Variants in PDK1 observed in about 807,000 individuals in gnomAD.
PDK1 encodes [Pyruvate dehydrogenase (acetyl-transferring)] kinase isozyme 1, mitochondrial.
Under a neutral mutation model 54.2 loss-of-function variants are expected in PDK1, and 39 were observed. The observed-to-expected ratio is 0.72, with a 90% CI of 0.56 to 0.94. The LOEUF (loss-of-function observed/expected upper bound fraction) is 0.94, where lower values mean the gene tolerates loss of function less well. PDK1 is among the 40% of genes least tolerant of loss of function. The pLI is 0.00. For synonymous variants in PDK1, 221 were observed against 207.1 expected (o/e 1.07, Z -0.58); for missense variants, 552 against 566.0 (o/e 0.98, Z 0.25).
the PDK1 span, among the ~76,000 whole-genome samples, chr2:172,621,690 CATAT>C: frequency 6.9e-6 from 1 of 144,956 alleles, no homozygotes; most frequent in Non-Finnish European, 1.5e-5. Context: ...GTTTATATAT[CATAT>C]ATATGTTTAT....
chr2:172,586,430 C>T (rs753830252), intron 9 of PDK1, 42 bp downstream of exon 9: 1 of 1,215,100 alleles, frequency 8.2e-7, no homozygotes, highest in South Asian at 1.2e-5. Flanking sequence ...CTGTGAATTG[C>T]CTTCCACATG....
rs1053387883 is a variant in PDK1 at position 172,568,359 on chromosome 2, A to G, written c.770-382A>G. 6.6e-5 allele frequency among the ~76,000 whole-genome samples: 10 copies of G among 151,774 alleles called. No individual in the cohort carries two copies. In the East Asian group the frequency reaches 1.9e-3, roughly 29 times the overall value. ...AAAAAAAAAAAAAAAAAGAAGAAGAAGAATGTATGCATGCATGTGAATTGG... is the reference window on the plus strand; with the variant it reads ...AAAAAAAAAAAAAAAAAGAAGAAGAGGAATGTATGCATGCATGTGAATTGG... On this transcript the variant is annotated intron_variant, in intron 6 of 10. Transcript: ENST00000282077.
At chr2:172,646,735 C>CTCTTTTTTTTTTTTTTTTTTT in the PDK1 span, among the ~76,000 whole-genome samples, 1 of 72,060 alleles carries the variant, frequency 1.4e-5, no homozygotes, top group Non-Finnish European at 2.7e-5. Context: ...CTTGCATTTC[C>CTCTTTTTTTTTTTTTTTTTTT]TTTTTTTTTT....
chr2:172,720,626 C>G, the PDK1 span, among the ~76,000 whole-genome samples: 1 of 152,170 alleles, frequency 6.6e-6, no homozygotes, highest in Non-Finnish European at 1.5e-5. Flanking sequence ...TATGGGACTT[C>G]CCTGTACCTG....
chr2:172,713,061 C>T, the PDK1 span, among the ~76,000 whole-genome samples: 2 of 152,094 alleles, frequency 1.3e-5, no homozygotes, highest in Non-Finnish European at 2.9e-5. Flanking sequence ...TTTCTGATGT[C>T]TCTGCAGTCC....
rs773476702 is a variant in PDK1 at position 172,564,688 on chromosome 2, G to GT, written c.595+2dup. 6.2e-7 allele frequency: 1 copy of GT among 1,610,038 alleles called. No homozygotes were observed. The highest frequency in any genetic ancestry group is 1.1e-5 in the South Asian group (1 of 90,932). ...ATTAGAATGTTACTCAATCAGCACTGTAAGTGTCCCTCATGAGTCAAGAGA... is the reference window on the plus strand; with the variant it reads ...ATTAGAATGTTACTCAATCAGCACTGTTAAGTGTCCCTCATGAGTCAAGAGA... On this transcript the variant is annotated splice_donor_variant, in intron 4 of 10. Coordinates refer to ENST00000282077, the MANE Select transcript of PDK1 (RefSeq NM_002610.5). LOFTEE classifies it high-confidence loss of function.
chr2:172,710,899 C>T, the PDK1 span, among the ~76,000 whole-genome samples: 1 of 152,224 alleles, frequency 6.6e-6, no homozygotes, highest in Admixed American at 6.5e-5. Context: ...TGCCACTAAA[C>T]AATTACATCA....
At chr2:172,668,910 G>C in the PDK1 span, among the ~76,000 whole-genome samples, 46 of 20,536 alleles carry the variant, frequency 2.2e-3, no homozygotes, top group East Asian at 0.012. Flanking sequence ...TATATATAGA[G>C]AGAGAGAGAG....
chr2:172,635,296 C>G, the PDK1 span, among the ~76,000 whole-genome samples: 1 of 152,106 alleles, frequency 6.6e-6, no homozygotes, highest in African/African-American at 2.4e-5. Context: ...ATTTATCACA[C>G]GGCCAATTGT....
intron 10 of PDK1, among the ~76,000 whole-genome samples, chr2:172,593,498 G>C (rs558936258): frequency 7.1e-4 from 108 of 152,132 alleles, no homozygotes; most frequent in African/African-American, 2.5e-3. Flanking sequence ...ACTCTTTTTG[G>C]ACTTTTATGC....
intron 9 of PDK1, among the ~76,000 whole-genome samples, chr2:172,591,570 T>A (rs890655270): frequency 3.3e-5 from 5 of 152,182 alleles, no homozygotes; most frequent in Non-Finnish European, 7.3e-5. Context: ...ATGAAGTAGA[T>A]AAACTGGCTG....
chr2:172,713,213 A>C, the PDK1 span, among the ~76,000 whole-genome samples: 2 of 152,142 alleles, frequency 1.3e-5, no homozygotes, highest in African/African-American at 4.8e-5. Context: ...CCATCTGTCC[A>C]AGTCCGGGAT....
the PDK1 span, among the ~76,000 whole-genome samples, chr2:172,639,156 G>A: frequency 1.2e-4 from 18 of 152,176 alleles, no homozygotes; most frequent in Non-Finnish European, 1.5e-5. Flanking sequence ...CCAAAAGCCG[G>A]ATTACAGGCA....
At chr2:172,694,975 G>A in the PDK1 span, among the ~76,000 whole-genome samples, 93 of 152,106 alleles carry the variant, frequency 6.1e-4, no homozygotes, top group Non-Finnish European at 8.5e-4. Flanking sequence ...AAAATTAGCC[G>A]GGCATTGTGG....
the PDK1 span, among the ~76,000 whole-genome samples, chr2:172,662,439 C>G: frequency 6.7e-6 from 1 of 148,868 alleles, no homozygotes; most frequent in Non-Finnish European, 1.5e-5. Flanking sequence ...TATGCATATA[C>G]GTATTTTTAA....
intron 9 of PDK1, among the ~76,000 whole-genome samples, chr2:172,590,257 T>C (rs1039019427): frequency 6.6e-6 from 1 of 152,234 alleles, no homozygotes; most frequent in East Asian, 1.9e-4. Flanking sequence ...TTATATGATA[T>C]TGCCAAGAGC....
the PDK1 span, among the ~76,000 whole-genome samples, chr2:172,683,118 G>A: frequency 3.9e-5 from 6 of 151,922 alleles, no homozygotes; most frequent in African/African-American, 1.2e-4. Flanking sequence ...AGGCCGAGGC[G>A]GGCGGATCAC....
At chr2:172,648,239 A>G in the PDK1 span, among the ~76,000 whole-genome samples, 27 of 152,210 alleles carry the variant, frequency 1.8e-4, no homozygotes, top group Admixed American at 3.3e-4. Context: ...GGTTTTACTA[A>G]TTGTCCTATG....
downstream of PDK1, among the ~76,000 whole-genome samples, chr2:172,609,566 AATTT>A (rs1320862595): frequency 1.3e-5 from 2 of 152,248 alleles, no homozygotes; most frequent in Non-Finnish European, 2.9e-5. Context: ...CACATAGAAG[AATTT>A]ATTAGAGTCC....
Sources: gnomAD v4.1 joint callset for allele counts (sites outside exome capture counted in the v4.1 genomes callset) on GRCh38, gnomAD v4.1.1 for gene constraint, MANE v1.5 for transcripts, NCBI Gene and HGNC (gene_info 2026-07-23, HGNC 2026-07-21) for gene names.